Variants in FAM53B observed in about 807,000 individuals in gnomAD.
FAM53B encodes protein FAM53B.
A neutral mutation model predicts 32.7 loss-of-function variants in FAM53B; 12 were observed. The ratio of observed to expected loss-of-function variants is 0.37; its 90% confidence interval spans 0.24 to 0.59. The LOEUF (loss-of-function observed/expected upper bound fraction) is 0.59, where lower values mean the gene tolerates loss of function less well. Ranked by LOEUF, FAM53B falls within the 20% of genes least tolerant of loss-of-function variation. The pLI is 0.72. For missense variants in FAM53B, 477 were observed against 577.7 expected (o/e 0.83, Z 1.79); for synonymous variants, 234 against 228.7 (o/e 1.02, Z -0.21).
intron 1 of FAM53B, among the ~76,000 whole-genome samples, chr10:124,723,865 C>T (rs1223544513): frequency 6.6e-6 from 1 of 152,212 alleles, no homozygotes; most frequent in African/African-American, 2.4e-5. Flanking sequence ...CAGACTTTTA[C>T]TCAGAAACAA....
intron 1 of FAM53B, among the ~76,000 whole-genome samples, chr10:124,724,825 T>C (rs1051126487): frequency 1.4e-4 from 22 of 152,162 alleles, no homozygotes; most frequent in African/African-American, 5.3e-4. Context: ...AATGTCACGA[T>C]CATCTCAGAC....
At chr10:124,714,594 C>T (rs1950027159) in intron 1 of FAM53B, among the ~76,000 whole-genome samples, 1 of 151,708 alleles carries the variant, frequency 6.6e-6, no homozygotes, top group Admixed American at 6.6e-5. Flanking sequence ...CCCCTCTCTA[C>T]TAAAAATACA....
chr10:124,676,559 G>A (rs1444775332), intron 4 of FAM53B, among the ~76,000 whole-genome samples: 1 of 152,132 alleles, frequency 6.6e-6, no homozygotes, highest in Non-Finnish European at 1.5e-5. Flanking sequence ...CGACCAACAA[G>A]GGCCACTGTC....
chr10:124,716,412 T>C (rs952954184), intron 1 of FAM53B, among the ~76,000 whole-genome samples: 1 of 152,198 alleles, frequency 6.6e-6, no homozygotes, highest in Admixed American at 6.5e-5. Flanking sequence ...ATCGGAACTC[T>C]GTTCTCCTGG....
intron 4 of FAM53B, among the ~76,000 whole-genome samples, chr10:124,655,242 C>CCA (rs1339776328): frequency 1.3e-5 from 2 of 152,270 alleles, no homozygotes; most frequent in East Asian, 3.9e-4. Context: ...TCCCATCTCC[C>CCA]CACCCACACC....
In FAM53B at chr10:124,720,017, G is replaced by C. The variant is rs112503403; in HGVS notation, c.-174-13130C>G. 6.4e-3 allele frequency among the ~76,000 whole-genome samples: 981 copies of C among 152,186 alleles called. 3 individuals are homozygous for C. Among genetic ancestry groups the C allele is most frequent in the Non-Finnish European group, 0.011 (724 of 67,990 alleles). ...GTCTCTACTAAAAATACAAAAATTA[G>C]CAGGGTGTGGTGGCGGGCGCCTGTA... is the stretch of plus-strand genomic sequence containing the variant. On this transcript the variant is annotated intron_variant, in intron 1 of 4. Coordinates refer to ENST00000337318, the MANE Select transcript of FAM53B (RefSeq NM_014661.4).
intron 4 of FAM53B, among the ~76,000 whole-genome samples, chr10:124,640,059 C>T (rs1564864574): frequency 6.6e-6 from 1 of 152,300 alleles, no homozygotes; most frequent in East Asian, 1.9e-4. Flanking sequence ...CTTTCTACCC[C>T]TAGGAACCCC....
chr10:124,703,078 G>C (rs1452304619), intron 2 of FAM53B, among the ~76,000 whole-genome samples: 6 of 151,858 alleles, frequency 4.0e-5, no homozygotes, highest in Non-Finnish European at 7.4e-5. Context: ...GTCTCACTCT[G>C]TCGCCCAGGC....
In FAM53B at chr10:124,681,633, A is replaced by G; in HGVS notation, c.880T>C (p.Ser294Pro). Reference protein sequence around the residue: ...RPEEVQEQRPSLDLAKMAQNC... With the variant: ...RPEEVQEQRPPLDLAKMAQNC... ...TGTGCCATCTTGGCAAGGTCTAGAGAAGGCCTCTGCTCTTGCACTTCTTCA... is the reference window on the plus strand; with the variant it reads ...TGTGCCATCTTGGCAAGGTCTAGAGGAGGCCTCTGCTCTTGCACTTCTTCA... Residue 294 changes from serine (S) to proline (P), a missense_variant, in exon 4 of 5, where the codon TCT (serine) becomes CCT (proline). Coordinates refer to ENST00000337318, the MANE Select transcript of FAM53B (RefSeq NM_014661.4). 2.5e-6 allele frequency: 4 copies of G among 1,609,360 alleles called. No homozygotes were observed. The highest frequency in any genetic ancestry group is 3.4e-6 in the Non-Finnish European group (4 of 1,177,508).
At chr10:124,719,592 G>A (rs1345148318) in intron 1 of FAM53B, among the ~76,000 whole-genome samples, 1 of 152,188 alleles carries the variant, frequency 6.6e-6, no homozygotes. Flanking sequence ...ACCCCAAAAT[G>A]CTTGAAAGAC....
At chr10:124,705,449 G>T (rs756249078) in intron 2 of FAM53B, 4 of 152,276 alleles carry the variant, frequency 2.6e-5, no homozygotes, top group Admixed American at 2.6e-4. Flanking sequence ...TCCCTGCTCC[G>T]CAAGGCTTTC....
At chr10:124,678,380 T>C (rs1949749710) in intron 4 of FAM53B, among the ~76,000 whole-genome samples, 1 of 152,212 alleles carries the variant, frequency 6.6e-6, no homozygotes, top group Admixed American at 6.5e-5. Flanking sequence ...CACACCCATA[T>C]GGATAGTGCA....
At chr10:124,669,911 T>TAGGGTGGGTGAGGATTAC (rs140408792) in intron 4 of FAM53B, among the ~76,000 whole-genome samples, 1 of 125,332 alleles carries the variant, frequency 8.0e-6, no homozygotes, top group South Asian at 2.8e-4. Context: ...GTAAGGACCA[T>TAGGGTGGGTGAGGATTAC]AGGGTGGGTG....
chr10:124,643,094 C>T (rs1263387360), intron 4 of FAM53B, among the ~76,000 whole-genome samples: 1 of 152,148 alleles, frequency 6.6e-6, no homozygotes, highest in Non-Finnish European at 1.5e-5. Context: ...AAAGGACACA[C>T]AAAACACAAA....
intron 3 of FAM53B, among the ~76,000 whole-genome samples, chr10:124,685,374 G>A (rs565609952): frequency 2.0e-4 from 31 of 152,370 alleles, no homozygotes; most frequent in South Asian, 1.0e-3. Context: ...AGCCAGGGTC[G>A]GAGCGGGGGC....
intron 4 of FAM53B, among the ~76,000 whole-genome samples, chr10:124,679,991 T>C (rs1417286130): frequency 6.6e-6 from 1 of 152,242 alleles, no homozygotes; most frequent in East Asian, 1.9e-4. Context: ...GAAGCCATTA[T>C]CATACCCAGA....
At chr10:124,638,135 T>A (rs1019275783) in intron 4 of FAM53B, among the ~76,000 whole-genome samples, 3 of 152,134 alleles carry the variant, frequency 2.0e-5, no homozygotes, top group Admixed American at 6.6e-5. Flanking sequence ...TTTGGGAAGC[T>A]GAGGCAGGCG....
intron 4 of FAM53B, among the ~76,000 whole-genome samples, chr10:124,660,957 C>T (rs1004324164): frequency 6.0e-5 from 9 of 150,580 alleles, no homozygotes; most frequent in African/African-American, 2.2e-4. Context: ...GTACAATGTA[C>T]ACTACTTGAG....
chr10:124,722,735 A>G (rs1950076995), intron 1 of FAM53B, among the ~76,000 whole-genome samples: 1 of 152,236 alleles, frequency 6.6e-6, no homozygotes, highest in Admixed American at 6.5e-5. Context: ...ATATTCTTGC[A>G]CATGCATATG....
Sources: allele counts gnomAD v4.1 joint callset (sites outside exome capture counted in the v4.1 genomes callset), GRCh38; gene constraint gnomAD v4.1.1; transcripts MANE v1.5; gene names NCBI Gene and HGNC (gene_info 2026-07-23, HGNC 2026-07-21).